MEGF6: variants seen among roughly 807,000 people sequenced by gnomAD.
MEGF6 encodes the protein multiple EGF like domains 6.
MEGF6 carries 184 observed loss-of-function variants against 207.1 expected under a neutral mutation model. The ratio of observed to expected loss-of-function variants is 0.89; its 90% CI spans 0.79 to 1.00. The LOEUF (loss-of-function observed/expected upper bound fraction) is 1.00, where lower values mean the gene tolerates loss of function less well. MEGF6 is among the 50% of genes least tolerant of loss of function. The pLI, the probability that MEGF6 is intolerant of heterozygous loss-of-function variation, is 0.00. For synonymous variants in MEGF6, 1,038 were observed against 910.0 expected (o/e 1.14, Z -2.53); for missense variants, 2,282 against 2,202.9 (o/e 1.04, Z -0.72).
chr1:3,509,286 C>T lies in MEGF6; in HGVS notation c.1358-41G>A. On this transcript the variant is annotated intron_variant, in intron 11 of 36. Transcript: ENST00000356575. ...AGGCGCCTTAGCCCCTGCCACCCAC[C>T]TGCCTGCTCCAGCGACCCCCCGGCG... 6.5e-6 allele frequency: 9 copies of T among 1,390,078 alleles called. No homozygotes were observed. In the South Asian group the frequency reaches 1.4e-4, roughly 22 times the overall value. The allele number at this position is 1,390,078 out of a possible 1,614,324, so 86.1% of individuals were successfully genotyped here. A position where few individuals can be genotyped will look rare whatever the true frequency, so the allele number is the denominator to read the frequency against.
chr1:3,545,307 C>T (rs1642666492), intron 4 of MEGF6, among the ~76,000 whole-genome samples: 1 of 152,212 alleles, frequency 6.6e-6, no homozygotes, highest in Non-Finnish European at 1.5e-5. Flanking sequence ...TTCACCCTGA[C>T]ACCTCAGTCC....
At chr1:3,613,310 C>A (rs1644351531), upstream of MEGF6, among the ~76,000 whole-genome samples, 1 of 152,220 alleles carries the variant, frequency 6.6e-6, no homozygotes, top group South Asian at 2.1e-4. Flanking sequence ...CCCAAGAAAA[C>A]CTCCCCAGTG....
At chr1:3,605,256 TCACA>T (rs1237990604) in intron 1 of MEGF6, among the ~76,000 whole-genome samples, 2 of 151,220 alleles carry the variant, frequency 1.3e-5, no homozygotes, top group Non-Finnish European at 2.9e-5. Flanking sequence ...CAGAAGGCAC[TCACA>T]CATACTCTCA....
chr1:3,577,849 C>A (rs944719329), intron 4 of MEGF6, among the ~76,000 whole-genome samples: 2 of 152,216 alleles, frequency 1.3e-5, no homozygotes, highest in Non-Finnish European at 2.9e-5. Flanking sequence ...CAATGCCAAA[C>A]CCCCAAAGAT....
chr1:3,506,368 G>A lies in MEGF6; in HGVS notation c.1790-132C>T. The A allele has an allele frequency of 2.6e-6, 3 of 1,166,298 alleles. No individual in the cohort carries two copies. The South Asian group carries it at 4.8e-5, about 19-fold the overall frequency. The allele number at this position is 1,166,298 out of a possible 1,614,324, so 72.2% of individuals were successfully genotyped here. On this transcript the variant is annotated intron_variant, in intron 14 of 36. Coordinates refer to ENST00000356575, the MANE Select transcript of MEGF6 (RefSeq NM_001409.4). The stretch of plus-strand genomic sequence containing the variant: ...GGGAGCAGCCCCCGCCAGGGCACTA[G>A]GTGAGCCTTCCGGATGTGGCCGTCT...
intron 1 of MEGF6, among the ~76,000 whole-genome samples, chr1:3,606,723 G>A (rs1031734762): frequency 5.9e-5 from 9 of 152,214 alleles, no homozygotes; most frequent in Non-Finnish European, 1.3e-4. Flanking sequence ...GCCTTGCAAC[G>A]CACTTACCCA....
At chr1:3,531,581 G>T in intron 4 of MEGF6, 5 of 837,222 alleles carry the variant, frequency 6.0e-6, no homozygotes, top group Non-Finnish European at 7.3e-6. Flanking sequence ...GCATTCCAGC[G>T]TGCGCGCTCC....
intron 4 of MEGF6, among the ~76,000 whole-genome samples, chr1:3,548,576 G>C (rs1364818865): frequency 2.0e-5 from 3 of 152,234 alleles, no homozygotes; most frequent in Non-Finnish European, 4.4e-5. Flanking sequence ...TGCCCTGGCA[G>C]GCAAGCAGCA....
chr1:3,502,221 G>A (rs1236334714), intron 17 of MEGF6, among the ~76,000 whole-genome samples: 1 of 152,138 alleles, frequency 6.6e-6, no homozygotes, highest in Non-Finnish European at 1.5e-5. Context: ...TGACGGATGG[G>A]AGGAGAGGGG....
intron 12 of MEGF6, 146 bp downstream of exon 12, chr1:3,508,929 C>G: frequency 9.0e-7 from 1 of 1,115,588 alleles, no homozygotes; most frequent in Non-Finnish European, 1.2e-6. Flanking sequence ...GCCAGTGGCT[C>G]ACCCTCTCTG....
chr1:3,540,387 A>G (rs1041023802), intron 4 of MEGF6, among the ~76,000 whole-genome samples: 2 of 152,120 alleles, frequency 1.3e-5, no homozygotes, highest in African/African-American at 4.8e-5. Flanking sequence ...CCAGCTGAAG[A>G]ATGTTGGCCT....
intron 6 of MEGF6, among the ~76,000 whole-genome samples, chr1:3,514,917 C>T (rs984258423): frequency 5.9e-5 from 9 of 152,206 alleles, no homozygotes; most frequent in African/African-American, 1.9e-4. Flanking sequence ...AGGCCAGCTC[C>T]TCCCACCACC....
chr1:3,549,594 G>C (rs1425674555), intron 4 of MEGF6, among the ~76,000 whole-genome samples: 1 of 152,172 alleles, frequency 6.6e-6, no homozygotes, highest in African/African-American at 2.4e-5. Flanking sequence ...CATGCAGAAG[G>C]GTCCATCAAT....
At chr1:3,542,175 G>A (rs1642550639) in intron 4 of MEGF6, among the ~76,000 whole-genome samples, 2 of 152,222 alleles carry the variant, frequency 1.3e-5, no homozygotes, top group Admixed American at 1.3e-4. Flanking sequence ...TGTCGGGGCT[G>A]AATCCAGCCC....
At chr1:3,563,322 C>A (rs74757774) in intron 4 of MEGF6, among the ~76,000 whole-genome samples, 1 of 152,192 alleles carries the variant, frequency 6.6e-6, no homozygotes. Context: ...ATGCCTGGCA[C>A]CTATGGCAGC....
In MEGF6 at chr1:3,497,002, G is replaced by A. The variant is rs1480768041; in HGVS notation, c.3599C>T (p.Pro1200Leu). Residue 1200 changes from proline (P) to leucine (L), a missense_variant, in exon 28 of 37, where the codon CCC becomes CTC. Physicochemically the swap from Pro to Leu is moderately conservative, Grantham distance 98. Coordinates refer to ENST00000356575, the MANE Select transcript of MEGF6 (RefSeq NM_001409.4). ...TCSCAAGYHGPSCQQRCPPGR... is the reference protein window; with the variant it reads ...TCSCAAGYHGLSCQQRCPPGR... ...GCAGCACTCACGTTGCTGGCAGCTG[G>A]GGCCGTGGTAGCCAGCAGCACATGA... The A allele has an allele frequency of 6.5e-7, 1 of 1,550,194 alleles. No homozygotes were observed. The highest frequency in any genetic ancestry group is 1.9e-5 in the Admixed American group (1 of 51,304).
intron 4 of MEGF6, among the ~76,000 whole-genome samples, chr1:3,575,648 A>G (rs572681110): frequency 1.2e-4 from 17 of 141,732 alleles, no homozygotes; most frequent in African/African-American, 3.4e-4. Context: ...CATGGATGGC[A>G]GCAGGCAAAG....
the MEGF6 span, among the ~76,000 whole-genome samples, chr1:3,618,339 T>C: frequency 0.023 from 3,550 of 152,198 alleles, 142 homozygotes; most frequent in African/African-American, 0.079. This position sits in a 1 kb window ranked among gnomAD's most constrained non-coding sequence, Gnocchi z 4.7. Context: ...AGCCTCCTCC[T>C]GGGTCCCACT....
chr1:3,512,636 C>T (rs1230803316), intron 7 of MEGF6, among the ~76,000 whole-genome samples: 1 of 152,160 alleles, frequency 6.6e-6, no homozygotes, highest in African/African-American at 2.4e-5. Context: ...GGGAGTTTCC[C>T]TGCACAAGCC....
Sources: gnomAD v4.1 joint callset for allele counts (sites outside exome capture counted in the v4.1 genomes callset) on GRCh38, gnomAD v4.1.1 for gene constraint, Gnocchi (gnomAD v3.1) non-coding constraint, MANE v1.5 for transcripts, NCBI Gene and HGNC (gene_info 2026-07-23, HGNC 2026-07-21) for gene names.